Variants in PAK6 observed in about 807,000 individuals in gnomAD.
The protein encoded by PAK6 is p21 (RAC1) activated kinase 6.
A neutral mutation model predicts 60.8 loss-of-function variants in PAK6; 33 were observed. The observed-to-expected ratio is 0.54, with a 90% CI of 0.41 to 0.73. The LOEUF (loss-of-function observed/expected upper bound fraction) is 0.73, where lower values mean the gene tolerates loss of function less well. PAK6 is among the 30% of genes least tolerant of loss of function. The pLI is 0.00. For missense variants in PAK6, 845 were observed against 904.1 expected, an observed-to-expected ratio of 0.93 and a Z score of 0.84; for synonymous variants, 404 against 378.5, an observed-to-expected ratio of 1.07 and a Z score of -0.78.
chr15:40,252,667 C>T, intron 2 of PAK6: 1 of 1,316,238 alleles, frequency 7.6e-7, no homozygotes, highest in Non-Finnish European at 1.0e-6. Flanking sequence ...CCTCTTCGAG[C>T]GTTCCTGGGC....
At chr15:40,266,165 G>A (rs377362218) in exon 5 of PAK6, 1 of 1,609,254 alleles carries the variant, frequency 6.2e-7, no homozygotes, top group Non-Finnish European at 8.5e-7. Flanking sequence ...TGGCTGCAAA[G>A]GCACAGTCCC....
rs869058525 is a variant in PAK6, at chr15:40,275,280, G to GTTTTTTTTTT, written c.1879-634_1879-625dup. 5.4e-3 allele frequency among the ~76,000 whole-genome samples: 306 copies of GTTTTTTTTTT among 56,388 alleles called. 33 individuals are homozygous for GTTTTTTTTTT. The highest frequency in any genetic ancestry group is 6.1e-3 in the South Asian group (9 of 1,476). The allele number at this position is 56,388 out of a possible 152,430, so 37.0% of individuals were successfully genotyped here. On this transcript the variant is annotated intron_variant, in intron 10 of 10. Transcript: ENST00000560346. ...GACTTGTTTGTTTCTGTTGTTGTTG[G>GTTTTTTTTTT]TTTTTTTTTTTTTTTTTTTTTTGGA... is the stretch of plus-strand genomic sequence containing the variant.
At chr15:40,264,682 G>T in intron 3 of PAK6, 99 bp from the exon 4 acceptor site, 14 of 966,382 alleles carry the variant, frequency 1.4e-5, no homozygotes, top group Non-Finnish European at 2.3e-5. Flanking sequence ...GGGGAGCTGT[G>T]CTGGGGGAGG....
chr15:40,266,353 G>T, exon 5 of PAK6: 22 of 1,612,684 alleles, frequency 1.4e-5, no homozygotes, highest in Non-Finnish European at 1.9e-5. Flanking sequence ...TCAGCCACAG[G>T]CAGGCCAGGT....
At chr15:40,276,018 T>C (rs1192499871) in exon 11 of PAK6, 1 of 1,611,010 alleles carries the variant, frequency 6.2e-7, no homozygotes, top group Non-Finnish European at 8.5e-7. Flanking sequence ...GACCACCCCT[T>C]CCTGCTGCAG....
chr15:40,265,858 G>A, exon 5 of PAK6: 1 of 1,544,926 alleles, frequency 6.5e-7, no homozygotes, highest in Non-Finnish European at 8.8e-7. Context: ...GTGCGGGGCA[G>A]CGCGATGCCT....
intron 8 of PAK6, 36 bp from the exon 9 acceptor site, chr15:40,273,515 C>T (rs1203653237): frequency 6.2e-7 from 1 of 1,613,742 alleles, no homozygotes; most frequent in African/African-American, 1.3e-5. Context: ...CTCCCACTTC[C>T]TCCTGATCCA....
In PAK6 at chr15:40,240,648, C is replaced by T. The variant is rs1043096002; in HGVS notation, c.-151C>T. 2 of 438,392 alleles carry T rather than the reference C, an allele frequency of 4.6e-6. No homozygotes were observed. Among genetic ancestry groups the T allele is most frequent in the Non-Finnish European group, 8.9e-6 (2 of 224,076 alleles). 27.2% of individuals were successfully genotyped at this position (438,392 alleles called of 1,614,324 possible). Reference sequence around the variant, plus strand: ...ACAAGCACCAGCCTGCAGTGGAGAACGCAGGACCCCGCTGCCCAGAAGGAG... The same window carrying T: ...ACAAGCACCAGCCTGCAGTGGAGAATGCAGGACCCCGCTGCCCAGAAGGAG... On this transcript the variant is annotated 5_prime_UTR_variant, in exon 2 of 11. It adds an upstream start codon to the 5' untranslated region. Transcript: ENST00000560346.
chr15:40,272,784 G>C (rs1318841507), intron 6 of PAK6, 63 bp downstream of exon 6: 2 of 1,584,388 alleles, frequency 1.3e-6, no homozygotes, highest in Non-Finnish European at 1.7e-6. Context: ...AGCCAGCCAG[G>C]CTGGACATCT....
chr15:40,246,113 C>T (rs1052254391), intron 2 of PAK6: 1 of 152,270 alleles, frequency 6.6e-6, no homozygotes, highest in Admixed American at 6.5e-5. Flanking sequence ...AGAGATCTAA[C>T]TAATTTATAA....
At chr15:40,259,093 G>A (rs2038914820) in intron 3 of PAK6, 1 of 152,294 alleles carries the variant, frequency 6.6e-6, no homozygotes, top group Non-Finnish European at 1.5e-5. Flanking sequence ...CTCTGAGGGG[G>A]AGTCCCCTTC....
chr15:40,260,021 TATC>T (rs1406460394), intron 3 of PAK6: 1 of 152,090 alleles, frequency 6.6e-6, no homozygotes, highest in Non-Finnish European at 1.5e-5. Context: ...CCCTAATCTA[TATC>T]ATCAAGAATT....
chr15:40,252,870 C>A, intron 2 of PAK6: 1 of 1,248,856 alleles, frequency 8.0e-7, no homozygotes, highest in South Asian at 1.3e-5. Context: ...TCCGCGGGCG[C>A]CCGCCCGGCG....
chr15:40,253,591 C>T (rs1315162364), intron 3 of PAK6, among the ~76,000 whole-genome samples: 1 of 152,188 alleles, frequency 6.6e-6, no homozygotes, highest in Non-Finnish European at 1.5e-5. Flanking sequence ...AGGGTGTCAC[C>T]GCGGCAGAGT....
exon 6 of PAK6, chr15:40,272,238 C>A (rs1358077388): frequency 1.2e-5 from 20 of 1,608,078 alleles, no homozygotes; most frequent in Non-Finnish European, 1.6e-5. Flanking sequence ...ACTCCTCTTT[C>A]CGACCGCCGC....
At chr15:40,267,552 A>G (rs980449335) in intron 5 of PAK6, among the ~76,000 whole-genome samples, 4 of 152,188 alleles carry the variant, frequency 2.6e-5, no homozygotes, top group Admixed American at 6.5e-5. Flanking sequence ...CAAGCTACTC[A>G]GGAGGCTGAG....
exon 5 of PAK6, chr15:40,266,360 A>T: frequency 1.4e-5 from 22 of 1,612,634 alleles, no homozygotes; most frequent in Non-Finnish European, 1.9e-5. Flanking sequence ...CAGGCAGGCC[A>T]GGTGGGGAAG....
chr15:40,246,675 T>C (rs1485486119), intron 2 of PAK6: 1 of 152,250 alleles, frequency 6.6e-6, no homozygotes, highest in Non-Finnish European at 1.5e-5. Context: ...ACCAGAACCC[T>C]GCTATGTCAG....
chr15:40,248,656 C>T (rs953439546), intron 2 of PAK6, among the ~76,000 whole-genome samples: 3 of 152,228 alleles, frequency 2.0e-5, no homozygotes, highest in South Asian at 2.1e-4. Flanking sequence ...CTGAGGGCCC[C>T]TCTGCCCCTC....
Sources: gnomAD v4.1 joint callset for allele counts (sites outside exome capture counted in the v4.1 genomes callset) on GRCh38, gnomAD v4.1.1 for gene constraint, MANE v1.5 for transcripts, NCBI Gene and HGNC (gene_info 2026-07-23, HGNC 2026-07-21) for gene names.